Variants in INPP4B observed in about 807,000 individuals in gnomAD.
INPP4B encodes inositol polyphosphate-4-phosphatase type II B.
In INPP4B, 55 loss-of-function variants were observed where a neutral mutation model predicts 122.5. That is an observed-to-expected ratio of 0.45 (90% CI 0.36 to 0.56). The LOEUF is 0.56. Among genes scored for constraint, INPP4B ranks in the 20% least tolerant of loss-of-function variants. The pLI, the probability that INPP4B is intolerant of heterozygous loss-of-function variation, is 0.00. For synonymous variants in INPP4B, 403 were observed against 388.7 expected (o/e 1.04, Z -0.43); for missense variants, 1,000 against 1,097.7 (o/e 0.91, Z 1.26).
chr4:142,512,186 T>C (rs1824804795), intron 2 of INPP4B, among the ~76,000 whole-genome samples: 1 of 152,154 alleles, frequency 6.6e-6, no homozygotes, highest in African/African-American at 2.4e-5. Flanking sequence ...TCTTCATATC[T>C]TGAAATAAAA....
intron 25 of INPP4B, among the ~76,000 whole-genome samples, chr4:142,077,058 T>C (rs1431753328): frequency 6.6e-6 from 1 of 152,016 alleles, no homozygotes; most frequent in Non-Finnish European, 1.5e-5. Flanking sequence ...GAATACTTCA[T>C]AAATTATGCT....
At chr4:142,640,795 C>G (rs921893536) in intron 2 of INPP4B, among the ~76,000 whole-genome samples, 26 of 151,702 alleles carry the variant, frequency 1.7e-4, no homozygotes, top group Admixed American at 6.6e-4. Flanking sequence ...AAAAGATAGC[C>G]AAATTGTCAA....
intron 15 of INPP4B, among the ~76,000 whole-genome samples, chr4:142,190,282 T>A (rs1380721985): frequency 6.6e-6 from 1 of 152,114 alleles, no homozygotes; most frequent in Non-Finnish European, 1.5e-5. Context: ...TGTGATTTCA[T>A]GTCCTGCAAA....
chr4:142,338,735 G>A (rs1257827183), intron 7 of INPP4B, among the ~76,000 whole-genome samples: 1 of 152,102 alleles, frequency 6.6e-6, no homozygotes, highest in Non-Finnish European at 1.5e-5. Flanking sequence ...AGCCATTAAA[G>A]ACTTTCATTT....
In INPP4B at chr4:142,646,125, T is replaced by C. The variant is rs949642568; in HGVS notation, c.-191+79714A>G. Among the ~76,000 whole-genome samples the C allele has an allele frequency of 1.2e-4, 18 of 152,334 alleles. 1 individual carries two copies. Among genetic ancestry groups the C allele is most frequent in the African/African-American group, 4.1e-4 (17 of 41,594 alleles). On this transcript the variant is annotated intron_variant, in intron 2 of 25. Transcript: ENST00000262992. Reference sequence around the variant, plus strand: ...CCTTGCTATATTTTGTTTGTAGTCATAGTTATATGAGTATATACATTTATC... The same window carrying C: ...CCTTGCTATATTTTGTTTGTAGTCACAGTTATATGAGTATATACATTTATC...
chr4:142,405,344 C>T lies in INPP4B; in HGVS notation c.137-20G>A. ...TGCATGCTGGCAACGGCAGAGGAGA[C>T]AGAAAGAAAAGAAACTAACACCATA... On this transcript the variant is annotated intron_variant, in intron 5 of 25. Transcript: ENST00000262992. The T allele has an allele frequency of 6.9e-7, 1 of 1,455,376 alleles. No homozygotes were observed. The highest frequency in any genetic ancestry group is 1.7e-5 in the Admixed American group (1 of 59,774). 90.2% of individuals were successfully genotyped at this position (1,455,376 alleles called of 1,614,324 possible).
intron 1 of INPP4B, among the ~76,000 whole-genome samples, chr4:142,842,694 TATATAATATATAA>T (rs1199001762): frequency 7.8e-6 from 1 of 128,190 alleles, no homozygotes; most frequent in South Asian, 2.2e-4. Flanking sequence ...ATTAATATAA[TATATAATATATAA>T]ATATAATATA....
intron 2 of INPP4B, among the ~76,000 whole-genome samples, chr4:142,703,839 C>A (rs1762123096): frequency 6.6e-6 from 1 of 152,162 alleles, no homozygotes; most frequent in Non-Finnish European, 1.5e-5. Flanking sequence ...CTAGCAGCAC[C>A]AGACTAGTAA....
At chr4:142,514,035 G>A (rs1354901900) in intron 2 of INPP4B, among the ~76,000 whole-genome samples, 1 of 152,156 alleles carries the variant, frequency 6.6e-6, no homozygotes, top group Non-Finnish European at 1.5e-5. Flanking sequence ...AGGGGGAAGT[G>A]CTTGCCAAAT....
intron 7 of INPP4B, among the ~76,000 whole-genome samples, chr4:142,320,150 C>T (rs1469506726): frequency 6.6e-6 from 1 of 152,184 alleles, no homozygotes; most frequent in Non-Finnish European, 1.5e-5. Flanking sequence ...TTGCCATGCT[C>T]CCTCCTCCAT....
chr4:142,167,938 C>T (rs898374267), intron 16 of INPP4B, among the ~76,000 whole-genome samples: 31 of 150,992 alleles, frequency 2.1e-4, no homozygotes, highest in Non-Finnish European at 3.5e-4. Flanking sequence ...AACTCGTCTC[C>T]ATTTCACCTT....
At position 142,028,478 on chromosome 4, in the gene INPP4B, G is replaced by GAAAC. The variant is rs935019953; in HGVS notation, c.*300_*303dup. On this transcript the variant is annotated 3_prime_UTR_variant, in exon 26 of 26. Transcript: ENST00000262992. ...TATTGAAATGATCCATGTTTCCTCA[G>GAAAC]AAACATTTAAATACTCATGAATGAA... is the stretch of plus-strand genomic sequence containing the variant. 9 of 333,386 alleles carry GAAAC rather than the reference G, an allele frequency of 2.7e-5. No individual in the cohort carries two copies. The highest frequency in any genetic ancestry group is 1.5e-4 in the African/African-American group (7 of 48,072). 20.7% of individuals were successfully genotyped at this position (333,386 alleles called of 1,614,324 possible). A position where few individuals can be genotyped will look rare whatever the true frequency, so the allele number is the denominator to read the frequency against.
intron 2 of INPP4B, among the ~76,000 whole-genome samples, chr4:142,484,610 T>C (rs1300657010): frequency 6.6e-6 from 1 of 152,160 alleles, no homozygotes; most frequent in Non-Finnish European, 1.5e-5. Context: ...TATTTTCTTT[T>C]TACTTTTAAG....
chr4:142,195,709 C>G (rs1294557959), intron 14 of INPP4B, among the ~76,000 whole-genome samples: 1 of 152,098 alleles, frequency 6.6e-6, no homozygotes, highest in Admixed American at 6.6e-5. Flanking sequence ...CTCTCTAGAA[C>G]TACCCAATAA....
chr4:142,426,168 A>C (rs1808016084), intron 5 of INPP4B, among the ~76,000 whole-genome samples: 1 of 151,950 alleles, frequency 6.6e-6, no homozygotes, highest in Non-Finnish European at 1.5e-5. Context: ...CATTCTATTG[A>C]CTCTAGACAT....
At chr4:142,810,099 G>C (rs541322925) in intron 1 of INPP4B, among the ~76,000 whole-genome samples, 21 of 150,376 alleles carry the variant, frequency 1.4e-4, no homozygotes, top group African/African-American at 4.9e-4. Flanking sequence ...GAACCCAAGA[G>C]ATGGAGGTTG....
chr4:142,043,578 A>T (rs183579205), intron 25 of INPP4B, among the ~76,000 whole-genome samples: 114 of 152,260 alleles, frequency 7.5e-4, no homozygotes, highest in African/African-American at 2.7e-3. Flanking sequence ...AGAATGGCAG[A>T]TGTATTTGGG....
In INPP4B at chr4:142,376,639, C is replaced by T. The variant is rs72941190; in HGVS notation, c.372+26299G>A. Among the ~76,000 whole-genome samples the T allele has an allele frequency of 2.0e-3, 301 of 152,096 alleles. 1 individual carries two copies. The highest frequency in any genetic ancestry group is 7.1e-3 in the African/African-American group (293 of 41,528). On this transcript the variant is annotated intron_variant, in intron 7 of 25. Coordinates refer to ENST00000262992, the MANE Select transcript of INPP4B (RefSeq NM_001101669.3). The stretch of plus-strand genomic sequence containing the variant: ...TAAAAGGCCGCTCTTAGCCACATCT[C>T]CAAGTATGGTTATCATCAGCAATGA...
At chr4:142,288,207 A>G (rs1754727007) in intron 9 of INPP4B, among the ~76,000 whole-genome samples, 1 of 152,240 alleles carries the variant, frequency 6.6e-6, no homozygotes, top group Non-Finnish European at 1.5e-5. Context: ...ATATGATTTA[A>G]TATTGGTCAT....
Sources: allele counts gnomAD v4.1 joint callset (sites outside exome capture counted in the v4.1 genomes callset), GRCh38; gene constraint gnomAD v4.1.1; transcripts MANE v1.5; gene names NCBI Gene and HGNC (gene_info 2026-07-23, HGNC 2026-07-21).